Variants in IMMP2L observed in about 807,000 individuals in gnomAD.
IMMP2L encodes the protein mitochondrial inner membrane protease subunit 2.
A neutral mutation model predicts 19.3 loss-of-function variants in IMMP2L; 18 were observed. The ratio of observed to expected loss-of-function variants is 0.93; its 90% CI spans 0.64 to 1.38. The LOEUF is 1.38. IMMP2L is among the 40% of genes most tolerant of loss of function. IMMP2L has a pLI of 0.00. For missense variants in IMMP2L, 233 were observed against 218.2 expected, an observed-to-expected ratio of 1.07 and a Z score of -0.43; for synonymous variants, 76 against 73.0, an observed-to-expected ratio of 1.04 and a Z score of -0.21.
chr7:110,866,188 C>T (rs532494745), intron 5 of IMMP2L, among the ~76,000 whole-genome samples: 1 of 151,850 alleles, frequency 6.6e-6, no homozygotes, highest in African/African-American at 2.4e-5. Flanking sequence ...TGCTGTTACT[C>T]TACTTTAGGA....
At chr7:111,029,171 T>C (rs80147165) in intron 3 of IMMP2L, among the ~76,000 whole-genome samples, 2,970 of 152,276 alleles carry the variant, frequency 0.02, 53 homozygotes, top group Non-Finnish European at 0.027. Context: ...GTCATGGACA[T>C]TGATCCAATT....
At chr7:111,008,249 TC>T (rs1043316629) in intron 3 of IMMP2L, among the ~76,000 whole-genome samples, 1 of 151,996 alleles carries the variant, frequency 6.6e-6, no homozygotes, top group African/African-American at 2.4e-5. Context: ...ATACTATGAC[TC>T]CCCCAATACT....
At chr7:110,700,538 C>T (rs1317242471) in intron 5 of IMMP2L, among the ~76,000 whole-genome samples, 4 of 152,142 alleles carry the variant, frequency 2.6e-5, no homozygotes, top group African/African-American at 4.8e-5. Flanking sequence ...TTACCCATAG[C>T]CAGGTCTCCT....
At chr7:110,953,069 C>A (rs181301007) in intron 4 of IMMP2L, among the ~76,000 whole-genome samples, 1 of 152,150 alleles carries the variant, frequency 6.6e-6, no homozygotes, top group Admixed American at 6.6e-5. Context: ...ATGGGGAACT[C>A]CCCACAGATA....
At chr7:111,522,938 T>TATATGTATATATATATA (rs199823915) in intron 1 of IMMP2L, among the ~76,000 whole-genome samples, 24 of 148,764 alleles carry the variant, frequency 1.6e-4, no homozygotes, top group Admixed American at 2.0e-4. Context: ...TATATATATA[T>TATATGTATATATATATA]TATTTCACCA....
intron 4 of IMMP2L, among the ~76,000 whole-genome samples, chr7:110,891,663 ATGAG>A (rs1236007952): frequency 1.3e-5 from 2 of 152,338 alleles, no homozygotes; most frequent in East Asian, 3.9e-4. Flanking sequence ...AATTAAATAC[ATGAG>A]TAAGGAAGAA....
At chr7:110,844,832 A>C (rs1172430754) in intron 5 of IMMP2L, among the ~76,000 whole-genome samples, 1 of 152,006 alleles carries the variant, frequency 6.6e-6, no homozygotes, top group Admixed American at 6.6e-5. Context: ...AACTATGGCC[A>C]GGAAATTTAC....
intron 5 of IMMP2L, among the ~76,000 whole-genome samples, chr7:110,735,611 A>G (rs954400454): frequency 6.6e-6 from 1 of 150,452 alleles, no homozygotes; most frequent in Non-Finnish European, 1.5e-5. Flanking sequence ...CCTGGGCAAC[A>G]TGGCAAAACT....
At chr7:111,404,337 C>G (rs1165175675) in intron 3 of IMMP2L, among the ~76,000 whole-genome samples, 2 of 152,004 alleles carry the variant, frequency 1.3e-5, no homozygotes, top group Admixed American at 6.6e-5. Context: ...ACTGTAATTA[C>G]AATGAAAAAA....
At chr7:111,447,339 T>G (rs1178197656) in intron 3 of IMMP2L, among the ~76,000 whole-genome samples, 2 of 138,226 alleles carry the variant, frequency 1.4e-5, no homozygotes, top group Non-Finnish European at 3.1e-5. Flanking sequence ...GGGAAGCCCA[T>G]CAGACTAACA....
At chr7:111,072,752 G>A (rs565072723) in intron 3 of IMMP2L, among the ~76,000 whole-genome samples, 21 of 152,064 alleles carry the variant, frequency 1.4e-4, no homozygotes, top group African/African-American at 4.3e-4. Context: ...AAAATCAGCC[G>A]GGCGAGGTGG....
intron 1 of IMMP2L, among the ~76,000 whole-genome samples, chr7:111,529,946 T>C (rs1847235660): frequency 6.6e-6 from 1 of 152,182 alleles, no homozygotes; most frequent in African/African-American, 2.4e-5. Flanking sequence ...TTCCTGATTT[T>C]TGGTAAGGAC....
intron 3 of IMMP2L, among the ~76,000 whole-genome samples, chr7:111,229,772 T>A (rs1813525476): frequency 6.6e-6 from 1 of 152,090 alleles, no homozygotes; most frequent in Non-Finnish European, 1.5e-5. Flanking sequence ...GAGGCAAATG[T>A]TTGATAAAGT....
chr7:111,494,001 TA>T (rs1311090144), intron 2 of IMMP2L, among the ~76,000 whole-genome samples: 2 of 150,596 alleles, frequency 1.3e-5, no homozygotes, highest in South Asian at 4.2e-4. Flanking sequence ...ACTCCGTCTC[TA>T]AAAAAAATAT....
At chr7:111,295,419 A>G (rs1261937815) in intron 3 of IMMP2L, among the ~76,000 whole-genome samples, 2 of 151,908 alleles carry the variant, frequency 1.3e-5, no homozygotes, top group East Asian at 1.9e-4. Flanking sequence ...GCCTTCACAC[A>G]TAGACTGTAT....
chr7:110,966,821 T>G (rs1819589887), intron 3 of IMMP2L, among the ~76,000 whole-genome samples: 1 of 152,008 alleles, frequency 6.6e-6, no homozygotes, highest in African/African-American at 2.4e-5. Context: ...GCTCAGAGAG[T>G]TATACAGATT....
At chr7:110,823,154 A>G (rs900875632) in intron 5 of IMMP2L, among the ~76,000 whole-genome samples, 17 of 152,156 alleles carry the variant, frequency 1.1e-4, no homozygotes, top group Non-Finnish European at 1.9e-4. Flanking sequence ...ACTCATTAAT[A>G]AAAGAAATAA....
chr7:110,855,691 A>G (rs1265521413), intron 5 of IMMP2L, among the ~76,000 whole-genome samples: 1 of 151,938 alleles, frequency 6.6e-6, no homozygotes, highest in Non-Finnish European at 1.5e-5. Context: ...CCCAATCCAA[A>G]TTTATCCCTT....
chr7:111,558,339 T>A (rs911310567), intron 1 of IMMP2L, among the ~76,000 whole-genome samples: 2 of 152,192 alleles, frequency 1.3e-5, no homozygotes, highest in Non-Finnish European at 2.9e-5. Flanking sequence ...TCCAGGCCAG[T>A]GACTTAATCT....
Sources: gnomAD v4.1 joint callset for allele counts (sites outside exome capture counted in the v4.1 genomes callset) on GRCh38, gnomAD v4.1.1 for gene constraint, MANE v1.5 for transcripts, NCBI Gene and HGNC (gene_info 2026-07-23, HGNC 2026-07-21) for gene names.